Variants in TENM4 observed in about 807,000 individuals in gnomAD.
TENM4 encodes the protein teneurin-4.
TENM4 carries 82 observed loss-of-function variants against 243.3 expected under a neutral mutation model. That is an observed-to-expected ratio of 0.34 (90% CI 0.28 to 0.40). The LOEUF is 0.40. Among genes scored for constraint, TENM4 ranks in the 10% least tolerant of loss-of-function variants. The pLI is 1.00. For synonymous variants in TENM4, 1,412 were observed against 1,456.3 expected, an observed-to-expected ratio of 0.97 and a Z score of 0.69; for missense variants, 3,138 against 3,673.3, an observed-to-expected ratio of 0.85 and a Z score of 3.77.
intron 1 of TENM4, among the ~76,000 whole-genome samples, chr11:79,406,416 T>A (rs1161821249): frequency 2.0e-5 from 3 of 152,204 alleles, no homozygotes; most frequent in Non-Finnish European, 4.4e-5. Context: ...TGCCTCCTCA[T>A]CCAAACTCAG....
intron 1 of TENM4, among the ~76,000 whole-genome samples, chr11:79,307,575 C>T (rs561173977): frequency 3.9e-5 from 6 of 152,324 alleles, no homozygotes; most frequent in African/African-American, 1.2e-4. Flanking sequence ...CCCAACCAGT[C>T]TCCCTGCACT....
At chr11:79,375,356 C>G (rs1036792861) in intron 1 of TENM4, among the ~76,000 whole-genome samples, 2 of 152,192 alleles carry the variant, frequency 1.3e-5, no homozygotes, top group Non-Finnish European at 2.9e-5. Context: ...TATAGCTTCA[C>G]AATCCATAGC....
chr11:78,771,820 G>A (rs962886204), intron 17 of TENM4, among the ~76,000 whole-genome samples: 4 of 152,142 alleles, frequency 2.6e-5, no homozygotes, highest in African/African-American at 7.2e-5. Flanking sequence ...CACTAACTAG[G>A]GCTGTCTGTG....
chr11:79,302,725 A>C (rs948562420), intron 1 of TENM4, among the ~76,000 whole-genome samples: 1 of 152,144 alleles, frequency 6.6e-6, no homozygotes, highest in African/African-American at 2.4e-5. Context: ...CATTTAGTTC[A>C]CCGAATTAAC....
intron 26 of TENM4, among the ~76,000 whole-genome samples, chr11:78,708,999 G>A (rs914559720): frequency 1.8e-4 from 24 of 129,802 alleles, no homozygotes; most frequent in Non-Finnish European, 2.8e-4. Flanking sequence ...AAAGAGTCTC[G>A]TTCTGTCACC....
chr11:79,263,754 G>A (rs540500583), intron 2 of TENM4, among the ~76,000 whole-genome samples: 3 of 152,190 alleles, frequency 2.0e-5, no homozygotes, highest in African/African-American at 4.8e-5. Flanking sequence ...AGTAACCCAG[G>A]ACCAGCACCA....
chr11:79,337,761 G>T (rs907490214), intron 1 of TENM4, among the ~76,000 whole-genome samples: 1 of 152,202 alleles, frequency 6.6e-6, no homozygotes. Flanking sequence ...CTCTCAAAAA[G>T]ATCTCTGAGA....
At chr11:79,325,156 TC>T (rs1273601021) in intron 1 of TENM4, among the ~76,000 whole-genome samples, 1 of 152,152 alleles carries the variant, frequency 6.6e-6, no homozygotes, top group Non-Finnish European at 1.5e-5. Flanking sequence ...GGCAATGGCA[TC>T]TTTTAGCTGG....
At chr11:78,921,126 C>T (rs980279227) in intron 6 of TENM4, among the ~76,000 whole-genome samples, 5 of 152,230 alleles carry the variant, frequency 3.3e-5, no homozygotes, top group African/African-American at 9.6e-5. Context: ...GTCTTTCTAC[C>T]TCTCTCCATT....
chr11:79,264,772 C>T (rs767430044), intron 2 of TENM4, among the ~76,000 whole-genome samples: 11 of 152,324 alleles, frequency 7.2e-5, no homozygotes, highest in African/African-American at 2.2e-4. Flanking sequence ...GAATCTCCGA[C>T]GGTGGGGTCC....
In TENM4 at chr11:78,701,924, G is replaced by A. The variant is rs1859115031; in HGVS notation, c.4689C>T (p.Ile1563=). 1 of 1,614,010 alleles carries A rather than the reference G, an allele frequency of 6.2e-7. No individual in the cohort carries two copies. The highest frequency in any genetic ancestry group is 1.3e-5 in the African/African-American group (1 of 75,042). ...ADLGNIRIRF[I]RKNKPFLNTQ... is the part of the protein sequence containing the mutation. ...TGTTGAGGAAAGGCTTGTTCTTCCG[G>A]ATAAACCGAATTCGGATGTTCCCAA... Residue 1563 remains isoleucine, a synonymous_variant, in exon 28 of 34, where the codon ATC becomes ATT. Coordinates refer to ENST00000278550, the MANE Select transcript of TENM4 (RefSeq NM_001098816.3).
At chr11:79,230,985 T>C (rs1864362771) in intron 2 of TENM4, among the ~76,000 whole-genome samples, 2 of 152,190 alleles carry the variant, frequency 1.3e-5, no homozygotes, top group Admixed American at 1.3e-4. Flanking sequence ...TCACTGGGGT[T>C]GGGGAAAAGG....
intron 6 of TENM4, among the ~76,000 whole-genome samples, chr11:79,038,668 T>C (rs1859445041): frequency 1.3e-5 from 2 of 152,228 alleles, no homozygotes; most frequent in African/African-American, 2.4e-5. Context: ...TTTCTCTCTG[T>C]TGCTTTTCTA....
intron 2 of TENM4, among the ~76,000 whole-genome samples, chr11:79,278,370 T>G (rs546153761): frequency 1.6e-4 from 24 of 152,324 alleles, no homozygotes; most frequent in Non-Finnish European, 3.4e-4. Context: ...ATTTGTCAAT[T>G]TGACGGCTGT....
intron 2 of TENM4, among the ~76,000 whole-genome samples, chr11:79,285,910 C>A (rs1590851682): frequency 1.3e-5 from 2 of 152,164 alleles, no homozygotes; most frequent in African/African-American, 2.4e-5. Flanking sequence ...TGCTAATGAG[C>A]AAAGGGTTTC....
chr11:79,231,647 C>T (rs1157498328), intron 2 of TENM4, among the ~76,000 whole-genome samples: 2 of 152,160 alleles, frequency 1.3e-5, no homozygotes, highest in Admixed American at 1.3e-4. Context: ...ATCATGATAC[C>T]CACCCTCAGA....
chr11:79,006,603 C>T (rs887329070), intron 6 of TENM4, among the ~76,000 whole-genome samples: 3 of 152,142 alleles, frequency 2.0e-5, no homozygotes, highest in African/African-American at 7.2e-5. Flanking sequence ...TTAAGTCAAT[C>T]ACCACCCAAA....
chr11:79,218,774 C>G (rs1328997050), intron 2 of TENM4, among the ~76,000 whole-genome samples: 1 of 152,112 alleles, frequency 6.6e-6, no homozygotes, highest in African/African-American at 2.4e-5. Context: ...AAAACAAAGA[C>G]AGTTAATGAA....
chr11:79,031,488 G>A (rs2136856673), intron 6 of TENM4, among the ~76,000 whole-genome samples: 4 of 152,286 alleles, frequency 2.6e-5, no homozygotes, highest in Middle Eastern at 6.8e-3. Flanking sequence ...TTCAACCTCA[G>A]GATCAGAGAA....
Sources: gnomAD v4.1 joint callset for allele counts (sites outside exome capture counted in the v4.1 genomes callset) on GRCh38, gnomAD v4.1.1 for gene constraint, MANE v1.5 for transcripts, NCBI Gene and HGNC (gene_info 2026-07-23, HGNC 2026-07-21) for gene names.